POU2F1: variants seen among roughly 807,000 people sequenced by gnomAD.
POU2F1 encodes POU class 2 homeobox 1.
In POU2F1, 16 loss-of-function variants were observed where a neutral mutation model predicts 84.9. The observed-to-expected ratio is 0.19, with a 90% CI of 0.13 to 0.29. The LOEUF is 0.29. POU2F1 is among the 10% of genes least tolerant of loss of function. The pLI, the probability that POU2F1 is intolerant of heterozygous loss-of-function variation, is 1.00. For synonymous variants in POU2F1, 368 were observed against 368.3 expected (o/e 1.00, Z 0.01); for missense variants, 738 against 942.6 (o/e 0.78, Z 2.84).
At chr1:167,403,909 A>T (rs1917533) in intron 13 of POU2F1, among the ~76,000 whole-genome samples, 145,531 of 152,248 alleles carry the variant, frequency 0.96, 69,625 homozygotes, top group East Asian at 1. Flanking sequence ...CCTTCACAGT[A>T]TTTTTTGGAG....
intron 7 of POU2F1, among the ~76,000 whole-genome samples, chr1:167,381,561 A>G (rs962849853): frequency 2.1e-5 from 3 of 141,052 alleles, no homozygotes; most frequent in Non-Finnish European, 4.6e-5. Flanking sequence ...GAAATAGCCT[A>G]TGTTTAATGG....
At chr1:167,370,254 A>T (rs1557933762) in intron 4 of POU2F1, 40 bp downstream of exon 4, 1 of 1,512,544 alleles carries the variant, frequency 6.6e-7, no homozygotes, top group Non-Finnish European at 9.0e-7. Flanking sequence ...TCTTTTATTT[A>T]TTTTTTCTTA....
At chr1:167,347,415 G>C (rs565476143) in intron 2 of POU2F1, among the ~76,000 whole-genome samples, 81 of 152,270 alleles carry the variant, frequency 5.3e-4, no homozygotes, top group Non-Finnish European at 9.4e-4. Context: ...TTTCATAACA[G>C]ATCATAAGCA....
intron 15 of POU2F1, among the ~76,000 whole-genome samples, chr1:167,414,873 T>A (rs995290126): frequency 6.6e-6 from 1 of 152,264 alleles, no homozygotes. Flanking sequence ...TTTCATCTTG[T>A]ATATCATAAT....
intron 13 of POU2F1, among the ~76,000 whole-genome samples, chr1:167,409,440 A>G (rs937379706): frequency 2.6e-5 from 4 of 152,220 alleles, no homozygotes; most frequent in Admixed American, 6.5e-5. Flanking sequence ...TAAGTTCACT[A>G]GTCAAAGTTA....
chr1:167,399,462 T>G, intron 12 of POU2F1, 97 bp downstream of exon 12: 1 of 1,049,882 alleles, frequency 9.5e-7, no homozygotes. Flanking sequence ...AGTAATTTAA[T>G]GAATAAATAC....
chr1:167,413,426 A>AT (rs1228743811), intron 15 of POU2F1, among the ~76,000 whole-genome samples: 2 of 152,098 alleles, frequency 1.3e-5, no homozygotes, highest in Admixed American at 6.5e-5. Flanking sequence ...TTGAAGCCAG[A>AT]TTTTTTTCCC....
intron 14 of POU2F1, among the ~76,000 whole-genome samples, chr1:167,412,569 G>A (rs935198036): frequency 5.0e-4 from 76 of 152,066 alleles, no homozygotes; most frequent in African/African-American, 1.5e-3. Context: ...CCTTAGTGAC[G>A]GGGCCAGGAA....
At position 167,425,671 on chromosome 1, in the gene POU2F1, G is replaced by C. The variant is rs1297101624; in HGVS notation, c.*9861G>C. ...GACTGGCCCGAGGACTCCACAGAGT[G>C]GGGGACGTTGAAGACACTGGCGCAC... On this transcript the variant is annotated 3_prime_UTR_variant, in exon 16 of 16. Coordinates refer to ENST00000367866, the MANE Select transcript of POU2F1 (RefSeq NM_002697.4). 2 of 152,626 alleles carry C rather than the reference G, an allele frequency of 1.3e-5. No homozygotes were observed. The highest frequency in any genetic ancestry group is 2.9e-5 in the Non-Finnish European group (2 of 68,372). 9.5% of individuals were successfully genotyped at this position (152,626 alleles called of 1,614,324 possible). A position where few individuals can be genotyped will look rare whatever the true frequency, so the allele number is the denominator to read the frequency against.
rs1650855427 is a variant in POU2F1, at chr1:167,424,867, C to A, written c.*9057C>A. ...GGCCACACGTCAACTTCTGTACTTGCCTTTTCCTTGGTGGGGTAGAGGCCA... is the reference window on the plus strand; with the variant it reads ...GGCCACACGTCAACTTCTGTACTTGACTTTTCCTTGGTGGGGTAGAGGCCA... On this transcript the variant is annotated 3_prime_UTR_variant, in exon 16 of 16. Transcript: ENST00000367866. 1 of 152,100 alleles carries A rather than the reference C, an allele frequency of 6.6e-6. No individual in the cohort carries two copies. The highest frequency in any genetic ancestry group is 1.5e-5 in the Non-Finnish European group (1 of 68,044). The allele number at this position is 152,100 out of a possible 1,614,324, so 9.4% of individuals were successfully genotyped here.
chr1:167,353,387 C>CT (rs1277428296), intron 2 of POU2F1, among the ~76,000 whole-genome samples: 8 of 148,922 alleles, frequency 5.4e-5, no homozygotes, highest in African/African-American at 2.0e-4. Context: ...AAATATCTCT[C>CT]TTTACCCCCA....
rs372705332 is a variant in POU2F1 at position 167,354,198 on chromosome 1, C to T, written c.128-11269C>T. Among the ~76,000 whole-genome samples the T allele has an allele frequency of 1.3e-4, 20 of 152,278 alleles. No homozygotes were observed. In the South Asian group the frequency reaches 3.5e-3, roughly 27 times the overall value. On this transcript the variant is annotated intron_variant, in intron 2 of 15. Transcript: ENST00000367866. ...GATGGACATTTGGGTTATTTCTAGGCTTTTGCTATTACAAATAATATGGCT... is the reference window on the plus strand; with the variant it reads ...GATGGACATTTGGGTTATTTCTAGGTTTTTGCTATTACAAATAATATGGCT...
At position 167,254,657 on chromosome 1, in the gene POU2F1, C is replaced by T. The variant is rs11583357; in HGVS notation, c.61+33699C>T. ...GCTATAATCAGAAACATTTATTATCCCTGGCTTTAGCAGTTGAACTTACAG... is the reference window on the plus strand; with the variant it reads ...GCTATAATCAGAAACATTTATTATCTCTGGCTTTAGCAGTTGAACTTACAG... On this transcript the variant is annotated intron_variant, in intron 1 of 15. Coordinates refer to ENST00000367866, the MANE Select transcript of POU2F1 (RefSeq NM_002697.4). 3.3e-3 allele frequency among the ~76,000 whole-genome samples: 501 copies of T among 152,138 alleles called. 6 individuals are homozygous for T. The highest frequency in any genetic ancestry group is 0.011 in the African/African-American group (468 of 41,506).
At chr1:167,306,738 T>C (rs925154969) in intron 1 of POU2F1, among the ~76,000 whole-genome samples, 2 of 152,198 alleles carry the variant, frequency 1.3e-5, no homozygotes, top group African/African-American at 4.8e-5. Context: ...TCTCTTCTTG[T>C]CTTCATCTGT....
chr1:167,300,571 T>C (rs1000450512), intron 1 of POU2F1, among the ~76,000 whole-genome samples: 6 of 152,272 alleles, frequency 3.9e-5, no homozygotes, highest in African/African-American at 1.4e-4. Context: ...TTCAAGCGAT[T>C]CTCCTGCCTC....
chr1:167,349,373 T>C (rs761150473), intron 2 of POU2F1, among the ~76,000 whole-genome samples: 1 of 152,180 alleles, frequency 6.6e-6, no homozygotes, highest in Non-Finnish European at 1.5e-5. Context: ...ATGCATTACT[T>C]GTGCACCCCG....
chr1:167,408,012 A>C (rs544695104), intron 13 of POU2F1, among the ~76,000 whole-genome samples: 1 of 152,372 alleles, frequency 6.6e-6, no homozygotes, highest in Non-Finnish European at 1.5e-5. Flanking sequence ...AGAATGTATA[A>C]ACAACTCTTA....
chr1:167,377,477 C>T lies in POU2F1; in HGVS notation c.718+1322C>T, dbSNP rs554226819. ...TGGCAGGCGCCTGTAGTCCCAGCTACTCAGGAGGCTGAGGCAGGAGAATGG... is the reference window on the plus strand; with the variant it reads ...TGGCAGGCGCCTGTAGTCCCAGCTATTCAGGAGGCTGAGGCAGGAGAATGG... On this transcript the variant is annotated intron_variant, in intron 7 of 15. Coordinates refer to ENST00000367866, the MANE Select transcript of POU2F1 (RefSeq NM_002697.4). Among the ~76,000 whole-genome samples, 9 of 152,210 alleles carry T rather than the reference C, an allele frequency of 5.9e-5. No individual in the cohort carries two copies. In the South Asian group the frequency reaches 1.9e-3, roughly 32 times the overall value.
intron 1 of POU2F1, among the ~76,000 whole-genome samples, chr1:167,257,614 A>G (rs568841405): frequency 6.6e-6 from 1 of 152,320 alleles, no homozygotes; most frequent in Non-Finnish European, 1.5e-5. Context: ...GGAAATGTAA[A>G]CTGTAAGTGA....
Sources: allele counts gnomAD v4.1 joint callset (sites outside exome capture counted in the v4.1 genomes callset), GRCh38; gene constraint gnomAD v4.1.1; transcripts MANE v1.5; gene names NCBI Gene and HGNC (gene_info 2026-07-23, HGNC 2026-07-21).